Variants in AFF4 observed in about 807,000 individuals in gnomAD.
AFF4 encodes the protein ALF transcription elongation factor 4.
Under a neutral mutation model 124.8 loss-of-function variants are expected in AFF4, and 13 were observed. The observed-to-expected ratio is 0.10, with a 90% CI of 0.07 to 0.17. AFF4 has a LOEUF of 0.17. AFF4 is among the 10% of genes least tolerant of loss of function. The pLI is 1.00. For synonymous variants in AFF4, 477 were observed against 496.1 expected, an observed-to-expected ratio of 0.96 and a Z score of 0.51; for missense variants, 1,092 against 1,403.8, an observed-to-expected ratio of 0.78 and a Z score of 3.55.
chr5:132,896,721 A>C lies in AFF4; in HGVS notation c.1909T>G (p.Ser637Ala). 3 of 1,614,132 alleles carry C rather than the reference A, an allele frequency of 1.9e-6. No individual in the cohort carries two copies. The highest frequency in any genetic ancestry group is 2.5e-6 in the Non-Finnish European group (3 of 1,180,020). ...KKKYKSTSKS[S>A]QKSREIIETD... ...TCTATGATTTCCCTTGATTTCTGGGAAGATTTACTTGTTGACTTATATTTC... is the reference window on the plus strand; with the variant it reads ...TCTATGATTTCCCTTGATTTCTGGGCAGATTTACTTGTTGACTTATATTTC... The change falls in exon 11 of 21, where the codon TCC becomes GCC. Residue 637 changes from serine (S) to alanine (A), a missense_variant. Coordinates refer to ENST00000265343, the MANE Select transcript of AFF4 (RefSeq NM_014423.4).
chr5:132,892,200 G>A lies in AFF4; in HGVS notation c.2601C>T (p.Thr867=), dbSNP rs77247092. Residue 867 remains threonine, a synonymous_variant, in exon 13 of 21, where the codon ACC becomes ACT. Coordinates refer to ENST00000265343, the MANE Select transcript of AFF4 (RefSeq NM_014423.4). ...NSSSTSKQKK[T]EGKTSSSSKE... is the part of the protein sequence containing the mutation. ...TGGAGCTACTGGAAGTCTTCCCTTC[G>A]GTCTTCTTCTGCTTTGATGTGGAGG... The A allele has an allele frequency of 2.8e-5, 45 of 1,613,968 alleles. No homozygotes were observed. The Middle Eastern group carries it at 4.9e-4, about 18-fold the overall frequency.
chr5:132,917,915 T>G (rs562331777), intron 5 of AFF4, among the ~76,000 whole-genome samples: 1 of 150,746 alleles, frequency 6.6e-6, no homozygotes, highest in East Asian at 2.0e-4. Context: ...GGGTTTCTAC[T>G]AAACCATCTT....
rs188630185 is a variant in AFF4 at position 132,878,044 on chromosome 5, G to A, written c.*3015C>T. 54 of 222,972 alleles carry A rather than the reference G, an allele frequency of 2.4e-4. No homozygotes were observed. The highest frequency in any genetic ancestry group is 1.1e-3 in the African/African-American group (50 of 44,858). The allele number at this position is 222,972 out of a possible 1,614,324, so 13.8% of individuals were successfully genotyped here. A position where few individuals can be genotyped will look rare whatever the true frequency, so the allele number is the denominator to read the frequency against. On this transcript the variant is annotated 3_prime_UTR_variant, in exon 21 of 21. Transcript: ENST00000265343. ...TCTCCACTCTTCGGCAGCTGTAGCT[G>A]TAAGTTTATCTGAAGTACTCACTGC...
chr5:132,916,238 C>CAAAAA (rs70974061), intron 5 of AFF4, among the ~76,000 whole-genome samples: 5 of 50,684 alleles, frequency 9.9e-5, no homozygotes, highest in African/African-American at 2.7e-4. Context: ...GATGCTGTCT[C>CAAAAA]AAAAAAAAAA....
chr5:132,948,059 C>CTT (rs1370730047), intron 1 of AFF4, among the ~76,000 whole-genome samples: 1 of 148,746 alleles, frequency 6.7e-6, no homozygotes, highest in African/African-American at 2.5e-5. Context: ...AGAAATTGTG[C>CTT]TTTTTTTTTT....
intron 5 of AFF4, among the ~76,000 whole-genome samples, chr5:132,917,809 T>C (rs548460444): frequency 1.4e-5 from 2 of 144,658 alleles, no homozygotes; most frequent in African/African-American, 5.1e-5. Flanking sequence ...ACCTCCCAGG[T>C]TCAAGGAATC....
chr5:132,941,013 CG>C (rs1292288140), intron 1 of AFF4, among the ~76,000 whole-genome samples: 2 of 143,924 alleles, frequency 1.4e-5, no homozygotes, highest in Non-Finnish European at 3.0e-5. Context: ...GGTGACAAAA[CG>C]AAACTACATC....
At chr5:132,949,910 G>A (rs544277381) in intron 1 of AFF4, among the ~76,000 whole-genome samples, 1 of 151,378 alleles carries the variant, frequency 6.6e-6, no homozygotes, top group Non-Finnish European at 1.5e-5. Flanking sequence ...TGTAGTCCTC[G>A]CTACTTGGAG....
intron 4 of AFF4, among the ~76,000 whole-genome samples, chr5:132,930,666 G>T (rs982063246): frequency 6.7e-6 from 1 of 149,114 alleles, no homozygotes; most frequent in Non-Finnish European, 1.5e-5. Flanking sequence ...AAATAAAAAA[G>T]AAAATACAAG....
chr5:132,924,109 C>T, intron 5 of AFF4, among the ~76,000 whole-genome samples: 1 of 152,032 alleles, frequency 6.6e-6, no homozygotes, highest in East Asian at 1.9e-4. Flanking sequence ...CAAAAATCAG[C>T]CAGGCGTGGT....
intron 1 of AFF4, among the ~76,000 whole-genome samples, chr5:132,950,113 C>T (rs1225974457): frequency 3.9e-5 from 6 of 152,036 alleles, no homozygotes; most frequent in South Asian, 2.1e-4. Context: ...AGGCCGATCA[C>T]GAGGTCAGGA....
rs141570783 is a variant in AFF4 at position 132,924,544 on chromosome 5, C to A, written c.1050+2577G>T. ...AATTATGGTGGTGGTTATACAGGTG[C>A]ACATATCTATCAAAACTCAAACTGC... On this transcript the variant is annotated intron_variant, in intron 5 of 20. Transcript: ENST00000265343. Among the ~76,000 whole-genome samples, 270 of 152,142 alleles carry A rather than the reference C, an allele frequency of 1.8e-3. 2 individuals carry two copies. Among genetic ancestry groups the A allele is most frequent in the African/African-American group, 6.3e-3 (260 of 41,510 alleles).
intron 4 of AFF4, among the ~76,000 whole-genome samples, chr5:132,930,716 A>G (rs1012652771): frequency 5.9e-5 from 9 of 152,240 alleles, no homozygotes; most frequent in African/African-American, 2.2e-4. Context: ...AGCAAAAAGT[A>G]GTCATTGTCA....
At chr5:132,953,411 T>C (rs1761886985) in intron 1 of AFF4, among the ~76,000 whole-genome samples, 1 of 151,872 alleles carries the variant, frequency 6.6e-6, no homozygotes, top group South Asian at 2.1e-4. Flanking sequence ...TGGGTAATTT[T>C]TTTTTCTTTT....
intron 1 of AFF4, among the ~76,000 whole-genome samples, chr5:132,959,410 G>A (rs978230190): frequency 1.3e-5 from 2 of 152,030 alleles, no homozygotes; most frequent in East Asian, 1.9e-4. Flanking sequence ...ATGAGCCACC[G>A]GGCCCGGCAA....
intron 5 of AFF4, among the ~76,000 whole-genome samples, chr5:132,910,425 C>G (rs888898128): frequency 5.3e-5 from 8 of 152,202 alleles, no homozygotes; most frequent in African/African-American, 7.2e-5. Flanking sequence ...CTCCTTCAAA[C>G]TCTAATTGGT....
intron 1 of AFF4, among the ~76,000 whole-genome samples, chr5:132,955,279 G>A (rs938018341): frequency 2.0e-5 from 3 of 151,870 alleles, no homozygotes; most frequent in African/African-American, 7.3e-5. Context: ...TATGGAAAAG[G>A]AAACATTCAG....
chr5:132,885,133 A>G lies in AFF4; in HGVS notation c.3100-14T>C. The G allele has an allele frequency of 6.3e-7, 1 of 1,588,188 alleles. No individual in the cohort carries two copies. The highest frequency in any genetic ancestry group is 8.6e-7 in the Non-Finnish European group (1 of 1,166,808). ...ATTATAAGAATTCTGTGGAAAAAGT[A>G]AAATGTACTTAACAACAACAAAAAC... is the stretch of plus-strand genomic sequence containing the variant. On this transcript the variant is annotated splice_polypyrimidine_tract_variant and intron_variant, in intron 18 of 20. Transcript: ENST00000265343.
intron 19 of AFF4, among the ~76,000 whole-genome samples, chr5:132,884,634 G>C (rs1024554483): frequency 2.6e-5 from 4 of 152,138 alleles, no homozygotes; most frequent in African/African-American, 4.8e-5. Context: ...CATAATAACT[G>C]AACAGATACA....
Sources: gnomAD v4.1 joint callset for allele counts (sites outside exome capture counted in the v4.1 genomes callset) on GRCh38, gnomAD v4.1.1 for gene constraint, MANE v1.5 for transcripts, NCBI Gene and HGNC (gene_info 2026-07-23, HGNC 2026-07-21) for gene names.